Variants in ADAMTS19 observed in about 807,000 individuals in gnomAD.
The protein encoded by ADAMTS19 is ADAM metallopeptidase with thrombospondin type 1 motif 19.
Under a neutral mutation model 153.3 loss-of-function variants are expected in ADAMTS19, and 93 were observed. That is an observed-to-expected ratio of 0.61 (90% CI 0.51 to 0.72). The LOEUF (loss-of-function observed/expected upper bound fraction) is 0.72. Among genes scored for constraint, ADAMTS19 ranks in the 30% least tolerant of loss-of-function variants. The pLI is 0.00. For missense variants in ADAMTS19, 1,482 were observed against 1,552.1 expected, an observed-to-expected ratio of 0.95 and a Z score of 0.76; for synonymous variants, 600 against 556.6, an observed-to-expected ratio of 1.08 and a Z score of -1.10.
chr5:129,621,676 T>G (rs1471703448), intron 9 of ADAMTS19, among the ~76,000 whole-genome samples: 1 of 152,214 alleles, frequency 6.6e-6, no homozygotes, highest in African/African-American at 2.4e-5. Context: ...TTTGTATGGC[T>G]GCCTTCACAT....
At chr5:129,702,199 C>A (rs1755899253) in intron 20 of ADAMTS19, among the ~76,000 whole-genome samples, 1 of 152,160 alleles carries the variant, frequency 6.6e-6, no homozygotes, top group Non-Finnish European at 1.5e-5. Context: ...CAGTTGTGTT[C>A]CATGCCAAAC....
chr5:129,694,025 A>G (rs1485984495), intron 18 of ADAMTS19, among the ~76,000 whole-genome samples: 1 of 152,202 alleles, frequency 6.6e-6, no homozygotes, highest in African/African-American at 2.4e-5. Context: ...ACACATGTTT[A>G]TGTGCTTTCA....
At chr5:129,679,316 G>A (rs983465380) in intron 16 of ADAMTS19, among the ~76,000 whole-genome samples, 1 of 152,150 alleles carries the variant, frequency 6.6e-6, no homozygotes, top group African/African-American at 2.4e-5. Context: ...TTAATGTCCT[G>A]CTTAATGATC....
intron 16 of ADAMTS19, among the ~76,000 whole-genome samples, chr5:129,677,874 A>G (rs1754619917): frequency 6.6e-6 from 1 of 151,960 alleles, no homozygotes; most frequent in East Asian, 1.9e-4. Flanking sequence ...GTGCAGTGGC[A>G]TGATCTCAGC....
At chr5:129,502,802 A>T (rs889470418) in intron 2 of ADAMTS19, among the ~76,000 whole-genome samples, 1 of 152,118 alleles carries the variant, frequency 6.6e-6, no homozygotes, top group Non-Finnish European at 1.5e-5. Flanking sequence ...TATATATTAG[A>T]CCTTATGTAT....
At chr5:129,639,310 G>A (rs1446298519) in intron 10 of ADAMTS19, among the ~76,000 whole-genome samples, 2 of 152,068 alleles carry the variant, frequency 1.3e-5, no homozygotes, top group Admixed American at 6.5e-5. Context: ...CACTTTTCAA[G>A]GTGAAAACTA....
intron 7 of ADAMTS19, among the ~76,000 whole-genome samples, chr5:129,583,407 G>A (rs1439765174): frequency 2.6e-5 from 4 of 152,026 alleles, no homozygotes; most frequent in Non-Finnish European, 5.9e-5. Context: ...CTGTCCTTGA[G>A]GAGTATCTTT....
chr5:129,645,951 G>C (rs866721396), intron 11 of ADAMTS19, among the ~76,000 whole-genome samples: 101 of 138,260 alleles, frequency 7.3e-4, no homozygotes, highest in African/African-American at 2.6e-3. Context: ...TGCAGTGGCG[G>C]GATCTCGGCT....
chr5:129,624,764 A>G (rs1751946830), intron 10 of ADAMTS19, among the ~76,000 whole-genome samples: 1 of 152,176 alleles, frequency 6.6e-6, no homozygotes. Flanking sequence ...GTGCCATTCT[A>G]CAATGTTTTG....
At chr5:129,541,532 G>A (rs1336707622) in intron 6 of ADAMTS19, among the ~76,000 whole-genome samples, 4 of 151,756 alleles carry the variant, frequency 2.6e-5, no homozygotes, top group Non-Finnish European at 5.9e-5. Context: ...TCTGTTTTGG[G>A]TGTTTCCTTC....
intron 13 of ADAMTS19, 78 bp downstream of exon 13, chr5:129,649,048 A>AT (rs1422199138): frequency 7.6e-7 from 1 of 1,308,374 alleles, no homozygotes; most frequent in Non-Finnish European, 1.1e-6. Context: ...TAGTCAGATT[A>AT]TTTTACCTAT....
intron 21 of ADAMTS19, among the ~76,000 whole-genome samples, chr5:129,722,691 A>G (rs1757054548): frequency 6.6e-6 from 1 of 152,182 alleles, no homozygotes; most frequent in Non-Finnish European, 1.5e-5. Flanking sequence ...CCTGAATGAT[A>G]TTGCCTAGAT....
chr5:129,708,590 C>CAAAAAAAAAAAAA (rs1174701520), intron 21 of ADAMTS19, among the ~76,000 whole-genome samples: 56 of 61,782 alleles, frequency 9.1e-4, no homozygotes, highest in East Asian at 1.8e-3. Flanking sequence ...AGCAGAGAAG[C>CAAAAAAAAAAAAA]AAAAAAAAAA....
At chr5:129,508,938 C>A in intron 2 of ADAMTS19, 139 bp from the exon 3 acceptor site, 1 of 561,276 alleles carries the variant, frequency 1.8e-6, no homozygotes, top group Non-Finnish European at 3.0e-6. Context: ...AGTTACCTTG[C>A]TAGTGGGGTT....
intron 8 of ADAMTS19, among the ~76,000 whole-genome samples, chr5:129,601,369 ATATT>A (rs143470565): frequency 0.089 from 13,502 of 152,132 alleles, 678 homozygotes; most frequent in African/African-American, 0.11. Context: ...ATATATGCAC[ATATT>A]TATTATGTCC....
At chr5:129,534,254 A>G (rs1314635464) in intron 6 of ADAMTS19, among the ~76,000 whole-genome samples, 1 of 152,100 alleles carries the variant, frequency 6.6e-6, no homozygotes, top group Admixed American at 6.6e-5. Flanking sequence ...GTCACTAAGG[A>G]CGTGCTTTAT....
In ADAMTS19 at chr5:129,509,207, C is replaced by T. The variant is rs371134058; in HGVS notation, c.878C>T (p.Ser293Leu). 3 of 1,611,868 alleles carry T rather than the reference C, an allele frequency of 1.9e-6. No homozygotes were observed. The highest frequency in any genetic ancestry group is 3.3e-5 in the Admixed American group (2 of 59,832). Reference sequence around the variant, plus strand: ...ATGGAGGAAAAGGTCACAGAGAAGTCAGCTCTTCACAGTCATTACTGTGGT... The same window carrying T: ...ATGGAGGAAAAGGTCACAGAGAAGTTAGCTCTTCACAGTCATTACTGTGGT... ...RSMEEKVTEKSALHSHYCGII... is the reference protein window; with the variant it reads ...RSMEEKVTEKLALHSHYCGII... Residue 293 changes from serine to leucine, a missense_variant, in exon 3 of 23, where the codon TCA becomes TTA. This residue lies in a region of ADAMTS19 where 866 missense variants were observed against 827.7 expected (regional missense o/e 1.05). Transcript: ENST00000274487.
chr5:129,737,511 T>G lies in ADAMTS19; in HGVS notation c.*293T>G, dbSNP rs1205616175. The G allele has an allele frequency of 7.1e-4, 127 of 178,448 alleles. No individual in the cohort carries two copies. The highest frequency in any genetic ancestry group is 1.2e-4 in the Non-Finnish European group (10 of 84,752). The allele number at this position is 178,448 out of a possible 1,614,324, so 11.1% of individuals were successfully genotyped here. On this transcript the variant is annotated 3_prime_UTR_variant, in exon 23 of 23. Transcript: ENST00000274487. Reference sequence around the variant, plus strand: ...CATTATACTTAAAACAAGTTTTCGTTGTTTGTTAGGGCTATCTCTAAGGTG... The same window carrying G: ...CATTATACTTAAAACAAGTTTTCGTGGTTTGTTAGGGCTATCTCTAAGGTG...
chr5:129,647,620 C>T, intron 11 of ADAMTS19, 145 bp from the exon 12 acceptor site: 1 of 881,296 alleles, frequency 1.1e-6, no homozygotes, highest in East Asian at 2.7e-5. Context: ...AAACAAGTGC[C>T]AACTTATTTT....
Sources: gnomAD v4.1 joint callset for allele counts (sites outside exome capture counted in the v4.1 genomes callset) on GRCh38, gnomAD v4.1.1 for gene constraint, gnomAD v4.1.1 regional missense constraint, MANE v1.5 for transcripts, NCBI Gene and HGNC (gene_info 2026-07-23, HGNC 2026-07-21) for gene names.